The following BRINP3 variants were observed in gnomAD, a reference collection of about 807,000 sequenced individuals.
The protein encoded by BRINP3 is BMP/retinoic acid-inducible neural-specific protein 3.
Under a neutral mutation model 71.0 loss-of-function variants are expected in BRINP3, and 19 were observed. That is an observed-to-expected ratio of 0.27 (90% confidence interval 0.19 to 0.39). The LOEUF (loss-of-function observed/expected upper bound fraction) is 0.39, where lower values mean the gene tolerates loss of function less well. Ranked by LOEUF, BRINP3 falls within the 10% of genes least tolerant of loss-of-function variation. BRINP3 has a pLI of 1.00. For missense variants in BRINP3, 959 were observed against 940.8 expected (o/e 1.02, Z -0.25); for synonymous variants, 380 against 337.7 (o/e 1.13, Z -1.37).
At chr1:190,463,799 C>G (rs1676554347) in intron 1 of BRINP3, among the ~76,000 whole-genome samples, 1 of 151,792 alleles carries the variant, frequency 6.6e-6, no homozygotes, top group Admixed American at 6.6e-5. Context: ...ATTGTTCTTT[C>G]TTAATCTTTA....
chr1:190,476,346 C>A (rs937864881), intron 1 of BRINP3, among the ~76,000 whole-genome samples: 4 of 151,512 alleles, frequency 2.6e-5, no homozygotes, highest in African/African-American at 9.7e-5. Context: ...AGGAACTTGT[C>A]CTTAATTTGA....
At chr1:190,280,232 G>T (rs566963988) in intron 3 of BRINP3, among the ~76,000 whole-genome samples, 18 of 151,942 alleles carry the variant, frequency 1.2e-4, no homozygotes, top group African/African-American at 4.3e-4. Context: ...AGAAAAATGT[G>T]AACATCATTG....
chr1:190,406,052 A>G (rs1215543668), intron 2 of BRINP3, among the ~76,000 whole-genome samples: 1 of 152,194 alleles, frequency 6.6e-6, no homozygotes, highest in East Asian at 1.9e-4. Flanking sequence ...TCTGCATTAG[A>G]AAGAGTCATG....
chr1:190,352,588 A>T (rs1668460748), intron 2 of BRINP3, among the ~76,000 whole-genome samples: 1 of 151,990 alleles, frequency 6.6e-6, no homozygotes, highest in Admixed American at 6.6e-5. Flanking sequence ...TTTCCTACTT[A>T]TAATAAAGAA....
intron 7 of BRINP3, among the ~76,000 whole-genome samples, chr1:190,141,204 T>C (rs548795010): frequency 2.1e-3 from 316 of 152,268 alleles, no homozygotes; most frequent in Middle Eastern, 0.02. Context: ...CAAATGTCAA[T>C]TGATTTGTAT....
intron 2 of BRINP3, among the ~76,000 whole-genome samples, chr1:190,338,192 C>T (rs1411163130): frequency 1.3e-5 from 2 of 151,970 alleles, no homozygotes; most frequent in Non-Finnish European, 1.5e-5. Context: ...GAATGCAATG[C>T]GAATGACATC....
chr1:190,451,487 G>A (rs573690843), intron 2 of BRINP3, among the ~76,000 whole-genome samples: 3 of 152,120 alleles, frequency 2.0e-5, no homozygotes, highest in South Asian at 2.1e-4. Flanking sequence ...TTACTAAGGC[G>A]CCAAGTGTCC....
intron 4 of BRINP3, among the ~76,000 whole-genome samples, chr1:190,238,800 A>G (rs1316143293): frequency 6.6e-6 from 1 of 152,192 alleles, no homozygotes; most frequent in Non-Finnish European, 1.5e-5. Flanking sequence ...ACATGTGTGT[A>G]CAAAAGGCAC....
chr1:190,452,684 C>T (rs766907957), intron 2 of BRINP3, among the ~76,000 whole-genome samples: 1 of 152,106 alleles, frequency 6.6e-6, no homozygotes, highest in Non-Finnish European at 1.5e-5. Flanking sequence ...CATGAAATCC[C>T]GTCTCTACCA....
At chr1:190,126,133 T>C (rs1402179035) in intron 7 of BRINP3, among the ~76,000 whole-genome samples, 1 of 151,998 alleles carries the variant, frequency 6.6e-6, no homozygotes, top group Non-Finnish European at 1.5e-5. Context: ...TCATTGATAA[T>C]TTTATGTGCA....
chr1:190,283,592 T>G (rs1663201250), intron 2 of BRINP3, among the ~76,000 whole-genome samples: 1 of 150,414 alleles, frequency 6.6e-6, no homozygotes, highest in Non-Finnish European at 1.5e-5. Flanking sequence ...ATAAATTTAC[T>G]TAAATCTGAA....
intron 2 of BRINP3, among the ~76,000 whole-genome samples, chr1:190,295,558 A>T (rs895930460): frequency 6.6e-6 from 1 of 152,122 alleles, no homozygotes; most frequent in South Asian, 2.1e-4. Flanking sequence ...TGAGGGCCCG[A>T]GGCCACTGTA....
At chr1:190,366,733 C>T (rs543400287) in intron 2 of BRINP3, among the ~76,000 whole-genome samples, 8 of 152,110 alleles carry the variant, frequency 5.3e-5, no homozygotes, top group South Asian at 2.1e-4. Context: ...TACACCCATT[C>T]GAAATGCAAG....
chr1:190,165,833 G>A (rs1474956133), intron 6 of BRINP3, among the ~76,000 whole-genome samples: 3 of 152,138 alleles, frequency 2.0e-5, no homozygotes, highest in African/African-American at 7.2e-5. Context: ...GGCAAGAAAA[G>A]TTGAGACAGA....
intron 7 of BRINP3, among the ~76,000 whole-genome samples, chr1:190,129,114 T>C (rs1654322698): frequency 6.6e-6 from 1 of 151,850 alleles, no homozygotes. Flanking sequence ...AAATAAATCA[T>C]ATTTGATATC....
intron 7 of BRINP3, among the ~76,000 whole-genome samples, chr1:190,140,602 AAATT>A (rs1655352893): frequency 6.6e-6 from 1 of 152,204 alleles, no homozygotes; most frequent in African/African-American, 2.4e-5. Flanking sequence ...GATAAAAAAT[AAATT>A]AATTTTGACA....
chr1:190,189,323 T>C (rs1653823831), intron 6 of BRINP3, among the ~76,000 whole-genome samples: 1 of 152,154 alleles, frequency 6.6e-6, no homozygotes, highest in South Asian at 2.1e-4. Flanking sequence ...ATTTCCTTAC[T>C]TATTTGTCTG....
At chr1:190,194,352 AT>A (rs1187922082) in intron 6 of BRINP3, among the ~76,000 whole-genome samples, 4 of 151,986 alleles carry the variant, frequency 2.6e-5, no homozygotes, top group African/African-American at 7.2e-5. Flanking sequence ...GTGAAAAAAT[AT>A]TTTTTTTCAA....
chr1:190,379,552 G>A (rs1032194130), intron 2 of BRINP3, among the ~76,000 whole-genome samples: 9 of 152,208 alleles, frequency 5.9e-5, no homozygotes, highest in African/African-American at 2.2e-4. Flanking sequence ...GAAAAGCCAG[G>A]AAAACATATT....
Sources: gnomAD v4.1 joint callset for allele counts (sites outside exome capture counted in the v4.1 genomes callset) on GRCh38, gnomAD v4.1.1 for gene constraint, MANE v1.5 for transcripts, NCBI Gene and HGNC (gene_info 2026-07-23, HGNC 2026-07-21) for gene names.